ECT2: variants seen among roughly 807,000 people sequenced by gnomAD.
ECT2 encodes the protein epithelial cell transforming 2, also known as protein ECT2.
Under a neutral mutation model 116.9 loss-of-function variants are expected in ECT2, and 61 were observed. The observed-to-expected ratio is 0.52, with a 90% CI of 0.42 to 0.65. ECT2 has a LOEUF of 0.65. Among genes scored for constraint, ECT2 ranks in the 30% least tolerant of loss-of-function variants. The probability of loss-of-function intolerance (pLI) is 0.00; values close to 1 mark genes in which losing one functional copy is unlikely to be tolerated. For missense variants in ECT2, 937 were observed against 1,078.7 expected (o/e 0.87, Z 1.84); for synonymous variants, 358 against 346.4 (o/e 1.03, Z -0.37).
intron 18 of ECT2, among the ~76,000 whole-genome samples, chr3:172,792,291 A>G (rs1237085731): frequency 6.6e-6 from 1 of 152,198 alleles, no homozygotes; most frequent in Non-Finnish European, 1.5e-5. Context: ...TGATAGACCT[A>G]CTTGACACAG....
intron 22 of ECT2, among the ~76,000 whole-genome samples, chr3:172,812,737 A>G (rs1728994649): frequency 6.6e-6 from 1 of 152,204 alleles, no homozygotes; most frequent in African/African-American, 2.4e-5. Flanking sequence ...TTTAAATGTC[A>G]AAACATTCTT....
At chr3:172,775,756 C>T (rs1025265490) in intron 14 of ECT2, among the ~76,000 whole-genome samples, 7 of 151,972 alleles carry the variant, frequency 4.6e-5, no homozygotes, top group African/African-American at 1.7e-4. Flanking sequence ...GCCTCAGCCT[C>T]CTGAGTAGCT....
rs547764309 is a variant in ECT2, at chr3:172,762,930, A to G, written c.1026A>G (p.Gln342=). Residue 342 remains glutamine (Q), a synonymous_variant, in exon 11 of 25, where the codon CAA becomes CAG. Transcript: ENST00000392692. The part of the protein sequence containing the change: ...VKQEWFWGSI[Q]MDARAGETMY... ...CCTAGTGGTTCTGGGGAAGCATTCA[A>G]ATGGATGCCCGAGCTGGAGAAACTA... The G allele has an allele frequency of 3.1e-6, 5 of 1,613,842 alleles. No individual in the cohort carries two copies. The highest frequency in any genetic ancestry group is 3.4e-6 in the Non-Finnish European group (4 of 1,179,822).
chr3:172,755,280 T>C lies in ECT2; in HGVS notation c.131-15T>C, dbSNP rs143708752. 3.5e-5 allele frequency: 56 copies of C among 1,585,254 alleles called. No individual in the cohort carries two copies. In the East Asian group the frequency reaches 1.1e-3, roughly 32 times the overall value. ...TAATACATGATAAACATTGAAACATTTTACATTTTAACAGAAGAGATGCCT... is the reference window on the plus strand; with the variant it reads ...TAATACATGATAAACATTGAAACATCTTACATTTTAACAGAAGAGATGCCT... On this transcript the variant is annotated splice_polypyrimidine_tract_variant and intron_variant, in intron 2 of 24. Coordinates refer to ENST00000392692, the MANE Select transcript of ECT2 (RefSeq NM_001258315.2).
At chr3:172,803,808 T>C (rs1451481207) in intron 20 of ECT2, among the ~76,000 whole-genome samples, 1 of 147,670 alleles carries the variant, frequency 6.8e-6, no homozygotes, top group Admixed American at 6.7e-5. Context: ...TTCTTTTCGT[T>C]TTTCTTTTTT....
chr3:172,780,296 T>G (rs890503500), intron 14 of ECT2, among the ~76,000 whole-genome samples: 6 of 152,212 alleles, frequency 3.9e-5, no homozygotes, highest in Admixed American at 3.3e-4. Context: ...TTTTTTCTGG[T>G]CAAATAATAT....
chr3:172,816,255 C>G (rs1729695781), intron 23 of ECT2, among the ~76,000 whole-genome samples: 1 of 152,032 alleles, frequency 6.6e-6, no homozygotes, highest in African/African-American at 2.4e-5. Context: ...TTTTCTTTCC[C>G]TTGGTGGGGG....
At chr3:172,788,802 G>A (rs1724068007) in intron 18 of ECT2, among the ~76,000 whole-genome samples, 1 of 152,350 alleles carries the variant, frequency 6.6e-6, no homozygotes, top group African/African-American at 2.4e-5. Context: ...GCTCACGCCT[G>A]TAATCCCAAC....
At chr3:172,805,420 C>T (rs1426682152) in intron 20 of ECT2, among the ~76,000 whole-genome samples, 3 of 152,234 alleles carry the variant, frequency 2.0e-5, no homozygotes, top group Admixed American at 6.5e-5. Context: ...ATTTAAGATT[C>T]TGTCATTCCT....
intron 24 of ECT2, among the ~76,000 whole-genome samples, chr3:172,819,181 C>CT (rs1730303226): frequency 6.6e-6 from 1 of 152,028 alleles, no homozygotes; most frequent in Admixed American, 6.6e-5. Context: ...ATTATACATT[C>CT]ATATCATCAT....
intron 18 of ECT2, among the ~76,000 whole-genome samples, chr3:172,802,291 T>G (rs1205590887): frequency 2.0e-5 from 3 of 152,082 alleles, no homozygotes; most frequent in African/African-American, 7.2e-5. Context: ...TTTTTGTATT[T>G]TTAGTAGAAA....
chr3:172,800,196 G>T (rs1726468267), intron 18 of ECT2, among the ~76,000 whole-genome samples: 1 of 152,166 alleles, frequency 6.6e-6, no homozygotes, highest in African/African-American at 2.4e-5. Flanking sequence ...CAGAGTTGAG[G>T]GACAGAGGGG....
intron 12 of ECT2, among the ~76,000 whole-genome samples, chr3:172,766,792 A>G (rs112274893): frequency 0.01 from 1,572 of 152,340 alleles, 34 homozygotes; most frequent in African/African-American, 0.035. Context: ...GAGGGAGATC[A>G]TGATTAGATC....
the ECT2 span, chr3:172,828,802 G>A: frequency 3.0e-5 from 21 of 709,898 alleles, no homozygotes; most frequent in Admixed American, 1.4e-4. Flanking sequence ...ACAGGCCAAC[G>A]CCCAGAATGG....
At chr3:172,804,505 T>C (rs1356114940) in intron 20 of ECT2, among the ~76,000 whole-genome samples, 1 of 152,178 alleles carries the variant, frequency 6.6e-6, no homozygotes, top group African/African-American at 2.4e-5. Context: ...TGAGAACAGA[T>C]GCTAGGCAGA....
At chr3:172,752,943 AG>A (rs1560234240) in intron 1 of ECT2, among the ~76,000 whole-genome samples, 1 of 152,206 alleles carries the variant, frequency 6.6e-6, no homozygotes, top group African/African-American at 2.4e-5. Context: ...CTCTGGAGGA[AG>A]GTATTTGTAT....
intron 13 of ECT2, among the ~76,000 whole-genome samples, chr3:172,770,428 C>G (rs1367602785): frequency 1.3e-5 from 2 of 152,180 alleles, no homozygotes; most frequent in Admixed American, 6.5e-5. Flanking sequence ...AAGTTTCATA[C>G]CACTTTGCTT....
Position 172,755,276 on chromosome 3 carries a change from A to T in ECT2, c.131-19A>T. ...ATGTTAATACATGATAAACATTGAA[A>T]CATTTTACATTTTAACAGAAGAGAT... On this transcript the variant is annotated intron_variant, in intron 2 of 24. Coordinates refer to ENST00000392692, the MANE Select transcript of ECT2 (RefSeq NM_001258315.2). The T allele has an allele frequency of 6.3e-7, 1 of 1,582,150 alleles. No homozygotes were observed. The highest frequency in any genetic ancestry group is 8.6e-7 in the Non-Finnish European group (1 of 1,168,000).
chr3:172,788,863 G>A (rs1056092586), intron 18 of ECT2, among the ~76,000 whole-genome samples: 13 of 152,044 alleles, frequency 8.6e-5, no homozygotes, highest in African/African-American at 3.1e-4. Context: ...TTCGAGACCA[G>A]CCTGGCCAAG....
Sources: gnomAD v4.1 joint callset for allele counts (sites outside exome capture counted in the v4.1 genomes callset) on GRCh38, gnomAD v4.1.1 for gene constraint, MANE v1.5 for transcripts, NCBI Gene and HGNC (gene_info 2026-07-23, HGNC 2026-07-21) for gene names.